TMEM181: variants seen among roughly 807,000 people sequenced by gnomAD.
The protein encoded by TMEM181 is G protein-coupled receptor 178.
In TMEM181, 39 loss-of-function variants were observed where a neutral mutation model predicts 71.9. The ratio of observed to expected loss-of-function variants is 0.54; its 90% CI spans 0.42 to 0.71. The LOEUF (loss-of-function observed/expected upper bound fraction) is 0.71, where lower values mean the gene tolerates loss of function less well. TMEM181 is among the 30% of genes least tolerant of loss of function. The pLI is 0.00. For synonymous variants in TMEM181, 245 were observed against 228.8 expected (o/e 1.07, Z -0.64); for missense variants, 595 against 583.0 (o/e 1.02, Z -0.21).
At chr6:158,552,485 T>C (rs1781750572) in intron 1 of TMEM181, among the ~76,000 whole-genome samples, 1 of 152,252 alleles carries the variant, frequency 6.6e-6, no homozygotes, top group African/African-American at 2.4e-5. Flanking sequence ...CTGTGAAGTT[T>C]CCTTGTTACA....
chr6:158,565,900 C>T lies in TMEM181; in HGVS notation c.8+5668C>T, dbSNP rs151081976. On this transcript the variant is annotated intron_variant, in intron 1 of 16. Transcript: ENST00000684151. ...TCAGTGGCCGCAGGATGGGCAGTGC[C>T]CCACAGCAGGGATGCCTGCTGTCTT... is the stretch of plus-strand genomic sequence containing the variant. Among the ~76,000 whole-genome samples, 283 of 152,298 alleles carry T rather than the reference C, an allele frequency of 1.9e-3. 1 individual carries two copies. The highest frequency in any genetic ancestry group is 6.2e-3 in the African/African-American group (257 of 41,546).
At chr6:158,595,121 G>T (rs1784323776) in intron 6 of TMEM181, among the ~76,000 whole-genome samples, 2 of 152,228 alleles carry the variant, frequency 1.3e-5, no homozygotes, top group Non-Finnish European at 2.9e-5. Flanking sequence ...AGATATTTCA[G>T]AAATCAGTTT....
In TMEM181 at chr6:158,630,614, A is replaced by T. The variant is rs962443969; in HGVS notation, c.1283-709A>T. Among the ~76,000 whole-genome samples, 8 of 152,068 alleles carry T rather than the reference A, an allele frequency of 5.3e-5. 1 individual carries two copies. Among genetic ancestry groups the T allele is most frequent in the Non-Finnish European group, 1.2e-4 (8 of 68,028 alleles). Reference sequence around the variant, plus strand: ...ATGTTCGGTGCCTTAGCTGTAGTTGATGCGTTTTTGACTTCACGATATTTT... The same window carrying T: ...ATGTTCGGTGCCTTAGCTGTAGTTGTTGCGTTTTTGACTTCACGATATTTT... On this transcript the variant is annotated intron_variant, in intron 15 of 16. Coordinates refer to ENST00000684151, the MANE Select transcript of TMEM181 (RefSeq NM_001376852.1).
intron 1 of TMEM181, among the ~76,000 whole-genome samples, chr6:158,570,899 TTTTG>T (rs893948063): frequency 6.6e-6 from 1 of 151,478 alleles, no homozygotes; most frequent in Non-Finnish European, 1.5e-5. Flanking sequence ...TTCTGCAGTA[TTTTG>T]TTTGTTTGTT....
At position 158,578,109 on chromosome 6, in the gene TMEM181, CAAAG is replaced by C. The variant is rs758586020; in HGVS notation, c.113-2828_113-2825del. On this transcript the variant is annotated intron_variant, in intron 2 of 16. Coordinates refer to ENST00000684151, the MANE Select transcript of TMEM181 (RefSeq NM_001376852.1). ...CCATCTCAAAAAAAAGACAAAAAAA[CAAAG>C]AACAAAACAAAACTGTCAGTCAAGA... 5.3e-5 allele frequency among the ~76,000 whole-genome samples: 8 copies of C among 151,960 alleles called. 1 individual carries two copies. The South Asian group carries it at 8.3e-4, about 16-fold the overall frequency.
intron 10 of TMEM181, among the ~76,000 whole-genome samples, chr6:158,612,898 TG>T (rs1785414592): frequency 6.6e-6 from 1 of 152,206 alleles, no homozygotes; most frequent in Non-Finnish European, 1.5e-5. Flanking sequence ...AAGGGTGGCA[TG>T]GTAAATAATT....
intron 10 of TMEM181, among the ~76,000 whole-genome samples, chr6:158,618,978 T>C (rs897395314): frequency 6.6e-6 from 1 of 152,234 alleles, no homozygotes. Flanking sequence ...TTGGGGTTGC[T>C]CTTCTCAAGG....
intron 5 of TMEM181, among the ~76,000 whole-genome samples, chr6:158,585,723 T>A (rs1783730440): frequency 6.6e-6 from 1 of 152,152 alleles, no homozygotes; most frequent in Admixed American, 6.5e-5. Flanking sequence ...ACGGTACTTG[T>A]TTTTACTGTG....
chr6:158,602,956 C>A (rs896935258), intron 6 of TMEM181, among the ~76,000 whole-genome samples: 1 of 152,136 alleles, frequency 6.6e-6, no homozygotes, highest in South Asian at 2.1e-4. Flanking sequence ...TGATGTCCAC[C>A]TTATCTTTGT....
At chr6:158,570,683 C>G (rs1253837902) in intron 1 of TMEM181, among the ~76,000 whole-genome samples, 1 of 152,098 alleles carries the variant, frequency 6.6e-6, no homozygotes, top group Non-Finnish European at 1.5e-5. Context: ...CCTACACCAA[C>G]TCCTCTGGGC....
intron 10 of TMEM181, chr6:158,610,468 C>T (rs1032001541): frequency 2.3e-5 from 7 of 310,748 alleles, no homozygotes; most frequent in Middle Eastern, 5.3e-4. Context: ...ACTTGGAATA[C>T]AGCATATCCA....
Position 158,629,734 on chromosome 6 carries a change from C to G in TMEM181, c.1197C>G (p.Ala399=). ...AELSTHYQNS[A]EFLSFYGLLN... is the part of the protein sequence containing the mutation. ...TCCTTCCCTTGACAGCACCACCAGCCGAGTTCTTATCTTTCTATGGCCTGT... is the reference window on the plus strand; with the variant it reads ...TCCTTCCCTTGACAGCACCACCAGCGGAGTTCTTATCTTTCTATGGCCTGT... The change falls in exon 15 of 17, where the codon GCC becomes GCG. Residue 399 remains alanine (A), a synonymous_variant. Coordinates refer to ENST00000684151, the MANE Select transcript of TMEM181 (RefSeq NM_001376852.1). 6.2e-7 allele frequency: 1 copy of G among 1,607,250 alleles called. No homozygotes were observed. The highest frequency in any genetic ancestry group is 8.5e-7 in the Non-Finnish European group (1 of 1,176,276).
At position 158,597,143 on chromosome 6, in the gene TMEM181, T is replaced by C. The variant is rs368558149; in HGVS notation, c.492+7361T>C. The stretch of plus-strand genomic sequence containing the variant: ...GTCCTCCATCTGGCACTGTTGTTGA[T>C]GCCGTCTCCCTTTAACTCAAGAAGC... On this transcript the variant is annotated intron_variant, in intron 6 of 16. Coordinates refer to ENST00000684151, the MANE Select transcript of TMEM181 (RefSeq NM_001376852.1). Among the ~76,000 whole-genome samples, 12 of 152,332 alleles carry C rather than the reference T, an allele frequency of 7.9e-5. No homozygotes were observed. In the East Asian group the frequency reaches 2.1e-3, roughly 27 times the overall value.
chr6:158,623,910 G>A (rs1038512388), intron 11 of TMEM181, among the ~76,000 whole-genome samples: 7 of 152,096 alleles, frequency 4.6e-5, no homozygotes, highest in Non-Finnish European at 1.0e-4. Flanking sequence ...ATAGGCGTGC[G>A]CCACCACACC....
chr6:158,559,812 C>G (rs530308057), upstream of TMEM181, among the ~76,000 whole-genome samples: 1 of 152,264 alleles, frequency 6.6e-6, no homozygotes, highest in Non-Finnish European at 1.5e-5. Flanking sequence ...CCCATCCTTA[C>G]GCCCCGACAC....
intron 7 of TMEM181, among the ~76,000 whole-genome samples, chr6:158,606,671 C>T (rs1177973502): frequency 6.6e-6 from 1 of 152,232 alleles, no homozygotes; most frequent in Non-Finnish European, 1.5e-5. Flanking sequence ...ATTCCATGGG[C>T]CTAACACACC....
At chr6:158,579,278 A>G (rs1783336094) in intron 2 of TMEM181, among the ~76,000 whole-genome samples, 1 of 151,142 alleles carries the variant, frequency 6.6e-6, no homozygotes, top group African/African-American at 2.4e-5. Flanking sequence ...AAAAAAAAAA[A>G]GCAGGGTCTT....
chr6:158,544,180 A>AGTGT lies in TMEM181; in HGVS notation c.131+7316_131+7317insTGTG, dbSNP rs1163683618. Reference sequence around the variant, plus strand: ...GAGGTTTCTCAGGTGCAAATTGGAGAGAGTGTGTGTGTGTGTGTGTGTGTG... The same window carrying AGTGT: ...GAGGTTTCTCAGGTGCAAATTGGAGAGTGTGAGTGTGTGTGTGTGTGTGTGTGTG... On this transcript the variant is annotated intron_variant, in intron 1 of 16. Transcript: ENST00000367090. Among the ~76,000 whole-genome samples, 382 of 69,032 alleles carry AGTGT rather than the reference A, an allele frequency of 5.5e-3. 1 individual carries two copies. The highest frequency in any genetic ancestry group is 0.028 in the African/African-American group (357 of 12,970). 45.3% of individuals were successfully genotyped at this position (69,032 alleles called of 152,430 possible).
intron 6 of TMEM181, among the ~76,000 whole-genome samples, chr6:158,600,798 T>C (rs924090455): frequency 6.6e-6 from 1 of 151,926 alleles, no homozygotes; most frequent in Non-Finnish European, 1.5e-5. Flanking sequence ...TGAGAATGAG[T>C]TGATTATTTT....
Sources: allele counts gnomAD v4.1 joint callset (sites outside exome capture counted in the v4.1 genomes callset), GRCh38; gene constraint gnomAD v4.1.1; transcripts MANE v1.5; gene names NCBI Gene and HGNC (gene_info 2026-07-23, HGNC 2026-07-21).